Variants in SLC38A9 observed in about 807,000 individuals in gnomAD.
SLC38A9 encodes the protein neutral amino acid transporter 9.
Under a neutral mutation model 62.3 loss-of-function variants are expected in SLC38A9, and 48 were observed. The ratio of observed to expected loss-of-function variants is 0.77; its 90% CI spans 0.61 to 0.98. The LOEUF is 0.98. SLC38A9 is among the 50% of genes least tolerant of loss of function. The pLI, the probability that SLC38A9 is intolerant of heterozygous loss-of-function variation, is 0.00. For synonymous variants in SLC38A9, 204 were observed against 227.7 expected (o/e 0.90, Z 0.94); for missense variants, 541 against 679.8 (o/e 0.80, Z 2.27).
chr5:55,651,121 GAGATCACATCCAC>G (rs1747338561), intron 10 of SLC38A9, among the ~76,000 whole-genome samples: 1 of 151,860 alleles, frequency 6.6e-6, no homozygotes, highest in South Asian at 2.1e-4. Context: ...CTGCCTGCCA[GAGATCACATCCAC>G]AGGGAGGAAG....
chr5:55,686,963 C>T (rs977383323), intron 3 of SLC38A9, among the ~76,000 whole-genome samples: 2 of 151,792 alleles, frequency 1.3e-5, no homozygotes, highest in Non-Finnish European at 2.9e-5. Context: ...CTATCCTGTT[C>T]CATTGGTCTG....
intron 3 of SLC38A9, among the ~76,000 whole-genome samples, chr5:55,683,946 CA>C (rs1753396500): frequency 6.6e-6 from 1 of 152,122 alleles, no homozygotes; most frequent in Non-Finnish European, 1.5e-5. Context: ...AACTCATTTC[CA>C]AAATGACTGT....
chr5:55,649,694 C>G (rs990081302), intron 10 of SLC38A9, among the ~76,000 whole-genome samples: 14 of 152,048 alleles, frequency 9.2e-5, no homozygotes, highest in Non-Finnish European at 7.4e-5. Context: ...TGGTGGCACA[C>G]GCCTATAATC....
In SLC38A9 at chr5:55,663,898, C is replaced by G. The variant is rs112133331; in HGVS notation, c.697+795G>C. Among the ~76,000 whole-genome samples the G allele has an allele frequency of 4.3e-3, 652 of 152,204 alleles. 5 individuals carry two copies. The highest frequency in any genetic ancestry group is 0.015 in the African/African-American group (630 of 41,538). ...GACTTACTTTGAAATTTGGTTTTCA[C>G]GTAAATCCAGATTTTAAATATATGC... On this transcript the variant is annotated intron_variant, in intron 8 of 15. Coordinates refer to ENST00000396865, the MANE Select transcript of SLC38A9 (RefSeq NM_173514.4).
At chr5:55,694,804 G>A (rs1458806937) in intron 3 of SLC38A9, among the ~76,000 whole-genome samples, 2 of 149,558 alleles carry the variant, frequency 1.3e-5, no homozygotes, top group African/African-American at 2.5e-5. Context: ...CCAGGCTGGA[G>A]TGCAGTGGTA....
chr5:55,634,574 A>T (rs942898930), intron 13 of SLC38A9: 2 of 152,132 alleles, frequency 1.3e-5, no homozygotes, highest in African/African-American at 4.8e-5. Flanking sequence ...GCTTTGTATG[A>T]GTTTGTTCAT....
In SLC38A9 at chr5:55,677,471, A is replaced by G. The variant is rs189220322; in HGVS notation, c.114-4776T>C. On this transcript the variant is annotated intron_variant, in intron 3 of 15. Transcript: ENST00000396865. The stretch of plus-strand genomic sequence containing the variant: ...TCCTAAAGTGTTTAGTACTCCTCCA[A>G]TGGAACTTTCAGACCAGCTAGGCAG... 3.6e-3 allele frequency among the ~76,000 whole-genome samples: 544 copies of G among 152,218 alleles called. 1 individual carries two copies. Among genetic ancestry groups the G allele is most frequent in the African/African-American group, 0.012 (506 of 41,556 alleles).
chr5:55,711,658 C>A (rs1758063150), intron 1 of SLC38A9, among the ~76,000 whole-genome samples, 159 bp from the exon 2 acceptor site: 1 of 152,160 alleles, frequency 6.6e-6, no homozygotes, highest in African/African-American at 2.4e-5. Context: ...GCCCTCACCC[C>A]CTCTGTGGTC....
At chr5:55,706,378 A>G (rs1757303003) in intron 2 of SLC38A9, among the ~76,000 whole-genome samples, 3 of 152,230 alleles carry the variant, frequency 2.0e-5, no homozygotes, top group Admixed American at 2.0e-4. Context: ...AGATCCTTTC[A>G]CTTTCTGGAA....
chr5:55,651,245 CAT>C (rs1747391624), intron 10 of SLC38A9, among the ~76,000 whole-genome samples: 3 of 56,160 alleles, frequency 5.3e-5, no homozygotes, highest in Admixed American at 1.7e-4. Context: ...TTCCTTTTGC[CAT>C]CTTTTTTTTT....
At chr5:55,635,719 A>G (rs1744282294) in intron 12 of SLC38A9, 62 bp from the exon 13 acceptor site, 1 of 1,029,576 alleles carries the variant, frequency 9.7e-7, no homozygotes, top group Non-Finnish European at 1.5e-6. Flanking sequence ...CTACCTTAAT[A>G]GGCTAAGGAG....
intron 4 of SLC38A9, 137 bp downstream of exon 4, chr5:55,672,426 C>T: frequency 1.1e-6 from 1 of 901,136 alleles, no homozygotes; most frequent in South Asian, 1.8e-5. Context: ...GTGTTAATTA[C>T]TATCTTTGAC....
chr5:55,689,420 G>T (rs1754415252), intron 3 of SLC38A9, among the ~76,000 whole-genome samples: 1 of 152,098 alleles, frequency 6.6e-6, no homozygotes, highest in Admixed American at 6.5e-5. Context: ...ACAAGACACT[G>T]GCATTTCATG....
At chr5:55,649,379 A>T in intron 10 of SLC38A9, 65 bp from the exon 11 acceptor site, 1 of 1,034,600 alleles carries the variant, frequency 9.7e-7, no homozygotes, top group South Asian at 1.9e-5. Flanking sequence ...TTTTAAAATC[A>T]AGCATTGTTT....
chr5:55,641,602 T>A (rs1457747468), intron 12 of SLC38A9, among the ~76,000 whole-genome samples: 1 of 152,240 alleles, frequency 6.6e-6, no homozygotes, highest in Non-Finnish European at 1.5e-5. Context: ...CAAATTTCAC[T>A]TCTTGCATTA....
intron 7 of SLC38A9, among the ~76,000 whole-genome samples, chr5:55,668,160 A>T (rs1030407513): frequency 6.8e-6 from 1 of 147,826 alleles, no homozygotes; most frequent in African/African-American, 2.5e-5. Context: ...TGACAGTGAG[A>T]TCCTGTCTCC....
At chr5:55,690,890 A>G (rs1419781288) in intron 3 of SLC38A9, among the ~76,000 whole-genome samples, 91 of 152,320 alleles carry the variant, frequency 6.0e-4, no homozygotes, top group African/African-American at 2.1e-3. Flanking sequence ...GAATCCTTTT[A>G]TTCTCTCAAA....
At chr5:55,630,312 G>C (rs1337345933) in intron 14 of SLC38A9, among the ~76,000 whole-genome samples, 1 of 151,866 alleles carries the variant, frequency 6.6e-6, no homozygotes, top group African/African-American at 2.4e-5. Context: ...GGGTTTTTTT[G>C]TTTGTTTGTT....
At chr5:55,683,227 T>G (rs1390936719) in intron 3 of SLC38A9, among the ~76,000 whole-genome samples, 1 of 152,144 alleles carries the variant, frequency 6.6e-6, no homozygotes, top group Non-Finnish European at 1.5e-5. Context: ...TTGGTTTGTT[T>G]TACAGATGAG....
Sources: gnomAD v4.1 joint callset for allele counts (sites outside exome capture counted in the v4.1 genomes callset) on GRCh38, gnomAD v4.1.1 for gene constraint, MANE v1.5 for transcripts, NCBI Gene and HGNC (gene_info 2026-07-23, HGNC 2026-07-21) for gene names.